FLNB: variants seen among roughly 807,000 people sequenced by gnomAD.
The protein encoded by FLNB is filamin B.
FLNB carries 111 observed loss-of-function variants against 250.6 expected under a neutral mutation model. That is an observed-to-expected ratio of 0.44 (90% CI 0.38 to 0.52). FLNB has a LOEUF of 0.52. Among genes scored for constraint, FLNB ranks in the 20% least tolerant of loss-of-function variants. The pLI, the probability that FLNB is intolerant of heterozygous loss-of-function variation, is 0.00. For synonymous variants in FLNB, 1,302 were observed against 1,372.1 expected, an observed-to-expected ratio of 0.95 and a Z score of 1.13; for missense variants, 2,869 against 3,447.8, an observed-to-expected ratio of 0.83 and a Z score of 4.20.
At position 58,099,091 on chromosome 3, in the gene FLNB, A is replaced by G. The variant is rs375623490; in HGVS notation, c.1345+183A>G. ...CAATATATTAATATTAATATCTTCT[A>G]TGAGCCACGCAGAGACCTAAATGCT... On this transcript the variant is annotated intron_variant, in intron 8 of 45. Transcript: ENST00000295956. 9.2e-5 allele frequency among the ~76,000 whole-genome samples: 14 copies of G among 152,272 alleles called. No individual in the cohort carries two copies. In the East Asian group the frequency reaches 2.5e-3, roughly 27 times the overall value.
chr3:58,077,493 TA>T (rs1192352048), intron 2 of FLNB, among the ~76,000 whole-genome samples, 199 bp downstream of exon 2: 1 of 152,236 alleles, frequency 6.6e-6, no homozygotes, highest in Non-Finnish European at 1.5e-5. Context: ...GGTATATCCA[TA>T]GACATGTTTG....
intron 43 of FLNB, among the ~76,000 whole-genome samples, chr3:58,167,532 G>A (rs1445566802): frequency 6.6e-6 from 1 of 152,262 alleles, no homozygotes; most frequent in African/African-American, 2.4e-5. Flanking sequence ...TGCCAGGCAT[G>A]CCCCATAGAG....
At chr3:58,141,761 A>C (rs1192827141) in intron 29 of FLNB, 97 bp from the exon 30 acceptor site, 2 of 1,155,980 alleles carry the variant, frequency 1.7e-6, no homozygotes, top group African/African-American at 3.0e-5. Flanking sequence ...ACTGCAGTTC[A>C]AGATGGAGCA....
chr3:58,149,647 A>G, intron 36 of FLNB: 2 of 622,772 alleles, frequency 3.2e-6, no homozygotes. Context: ...AACCAGGTTC[A>G]GCAGGTTATT....
chr3:58,030,050 G>T (rs1179541343), intron 1 of FLNB, among the ~76,000 whole-genome samples: 1 of 152,170 alleles, frequency 6.6e-6, no homozygotes. Flanking sequence ...AATGGAAAGG[G>T]CCAGGTTTAT....
intron 5 of FLNB, 44 bp from the exon 6 acceptor site, chr3:58,096,097 C>T (rs934311388): frequency 6.7e-7 from 1 of 1,484,952 alleles, no homozygotes; most frequent in Non-Finnish European, 9.4e-7. Context: ...GCTCCTTACT[C>T]ACACCCGGCA....
chr3:58,025,841 G>T (rs980843114), intron 1 of FLNB, among the ~76,000 whole-genome samples: 1 of 152,158 alleles, frequency 6.6e-6, no homozygotes, highest in Non-Finnish European at 1.5e-5. Flanking sequence ...CAGGAAAATC[G>T]CTAGAACCTG....
intron 38 of FLNB, chr3:58,152,635 G>T: frequency 1.7e-6 from 1 of 595,102 alleles, no homozygotes; most frequent in Non-Finnish European, 2.5e-6. Context: ...TTTGAATTTT[G>T]GAGGGACACA....
rs2708317 is a variant in FLNB, at chr3:58,108,792, G to A, written c.2055+221G>A. On this transcript the variant is annotated intron_variant, in intron 13 of 45. Coordinates refer to ENST00000295956, the MANE Select transcript of FLNB (RefSeq NM_001457.4). ...TTTCTGATTTATATTCTGTGGAAAT[G>A]AGGCTTGTTTGTTTCAGGTTATTCT... 0.067 allele frequency among the ~76,000 whole-genome samples: 10,145 copies of A among 152,280 alleles called. 509 individuals are homozygous for A. The highest frequency in any genetic ancestry group is 0.13 in the African/African-American group (5,498 of 41,522).
intron 9 of FLNB, 91 bp from the exon 10 acceptor site, chr3:58,103,868 T>A: frequency 8.5e-6 from 5 of 590,274 alleles, no homozygotes; most frequent in Non-Finnish European, 1.3e-5. Flanking sequence ...TTATGTTTTG[T>A]TCAGTGTGGC....
chr3:58,074,789 A>G (rs1323930115), intron 1 of FLNB, among the ~76,000 whole-genome samples: 1 of 152,112 alleles, frequency 6.6e-6, no homozygotes. Context: ...CGAAGTTATT[A>G]TTTATACAAT....
At chr3:58,153,851 C>G (rs956039324) in intron 39 of FLNB, among the ~76,000 whole-genome samples, 11 of 152,332 alleles carry the variant, frequency 7.2e-5, no homozygotes, top group African/African-American at 2.6e-4. Flanking sequence ...AGGTTTCTTA[C>G]TGGGAGCCTC....
chr3:58,118,736 T>G (rs113776206), intron 18 of FLNB, 136 bp from the exon 19 acceptor site: 3 of 760,898 alleles, frequency 3.9e-6, no homozygotes, highest in African/African-American at 3.4e-5. Flanking sequence ...AAGAAATAGA[T>G]CTAAGATACT....
At chr3:58,077,410 CT>C in intron 2 of FLNB, 116 bp downstream of exon 2, 1 of 1,348,796 alleles carries the variant, frequency 7.4e-7, no homozygotes, top group Non-Finnish European at 1.0e-6. Context: ...TTCTCCAGGT[CT>C]TAGCCCATTA....
At chr3:58,117,512 G>T (rs1490127073) in intron 18 of FLNB, among the ~76,000 whole-genome samples, 1 of 152,156 alleles carries the variant, frequency 6.6e-6, no homozygotes, top group African/African-American at 2.4e-5. Context: ...GGTCTGCTTA[G>T]TGAGCCCCTG....
intron 9 of FLNB, among the ~76,000 whole-genome samples, chr3:58,103,265 GGTGTGT>G (rs10571409): frequency 2.9e-4 from 43 of 148,166 alleles, no homozygotes; most frequent in Middle Eastern, 3.5e-3. Context: ...AGCCAAGGAG[GGTGTGT>G]GTGTGTGTGT....
rs1236068696 is a variant in FLNB at position 58,170,813 on chromosome 3, T to G, written c.*51T>G. ...AGTTCTTGTGGTTGCTTTTGTTGCTTGTTTGTAATTCATTTTATACAAAGC... is the reference window on the plus strand; with the variant it reads ...AGTTCTTGTGGTTGCTTTTGTTGCTGGTTTGTAATTCATTTTATACAAAGC... On this transcript the variant is annotated 3_prime_UTR_variant, in exon 46 of 46. Transcript: ENST00000295956. 14 of 1,542,118 alleles carry G rather than the reference T, an allele frequency of 9.1e-6. No homozygotes were observed. Among genetic ancestry groups the G allele is most frequent in the Admixed American group, 3.5e-5 (2 of 56,768 alleles).
In FLNB at chr3:58,138,279, C is replaced by T. The variant is rs764513279; in HGVS notation, c.4862-3C>T. 7 of 1,613,586 alleles carry T rather than the reference C, an allele frequency of 4.3e-6. No homozygotes were observed. The Admixed American group carries it at 1.2e-4, about 27-fold the overall frequency. On this transcript the variant is annotated splice_region_variant and splice_polypyrimidine_tract_variant and intron_variant, in intron 28 of 45. Transcript: ENST00000295956. The stretch of plus-strand genomic sequence containing the variant: ...CATTCTCTTCCCCTGAACTCTTCTC[C>T]AGGTCCTGGAATCGCCTCCACTGTG...
intron 9 of FLNB, among the ~76,000 whole-genome samples, chr3:58,103,298 G>A (rs968928854): frequency 2.7e-5 from 4 of 149,948 alleles, no homozygotes; most frequent in South Asian, 2.1e-4. Context: ...GTGTGTGCAC[G>A]CGCGTGCATG....
Sources: gnomAD v4.1 joint callset for allele counts (sites outside exome capture counted in the v4.1 genomes callset) on GRCh38, gnomAD v4.1.1 for gene constraint, MANE v1.5 for transcripts, NCBI Gene and HGNC (gene_info 2026-07-23, HGNC 2026-07-21) for gene names.